ABAT: variants seen among roughly 807,000 people sequenced by gnomAD.
ABAT encodes 4-aminobutyrate aminotransferase.
In ABAT, 45 loss-of-function variants were observed where a neutral mutation model predicts 64.6. That is an observed-to-expected ratio of 0.70 (90% confidence interval 0.55 to 0.89). The LOEUF (loss-of-function observed/expected upper bound fraction) is 0.89. ABAT is among the 40% of genes least tolerant of loss of function. The pLI is 0.00. For synonymous variants in ABAT, 297 were observed against 250.5 expected, an observed-to-expected ratio of 1.19 and a Z score of -1.75; for missense variants, 633 against 658.4, an observed-to-expected ratio of 0.96 and a Z score of 0.42.
intron 8 of ABAT, 174 bp from the exon 9 acceptor site, chr16:8,766,034 G>A (rs937541713): frequency 1.7e-4 from 107 of 638,948 alleles, no homozygotes; most frequent in South Asian, 7.1e-4. Context: ...CTTTTGTTGC[G>A]AGCACAGTTG....
At chr16:8,744,858 A>G (rs2059285091) in intron 2 of ABAT, among the ~76,000 whole-genome samples, 1 of 152,074 alleles carries the variant, frequency 6.6e-6, no homozygotes, top group African/African-American at 2.4e-5. Context: ...GCATCTTTCC[A>G]TATCCACAAA....
chr16:8,698,810 G>T (rs1210780471), intron 1 of ABAT, among the ~76,000 whole-genome samples: 1 of 152,108 alleles, frequency 6.6e-6, no homozygotes, highest in Non-Finnish European at 1.5e-5. Context: ...ACCAGGCTTG[G>T]TGGCACACAC....
chr16:8,710,286 G>T (rs1019868088), intron 1 of ABAT, among the ~76,000 whole-genome samples: 8 of 152,148 alleles, frequency 5.3e-5, no homozygotes, highest in Non-Finnish European at 8.8e-5. Context: ...CATGTATTAG[G>T]GATGTTTAGT....
chr16:8,703,967 C>T (rs970928729), intron 1 of ABAT, among the ~76,000 whole-genome samples: 9 of 152,248 alleles, frequency 5.9e-5, no homozygotes, highest in African/African-American at 2.2e-4. Flanking sequence ...CCTTAGCCTA[C>T]AGTCTGCATC....
rs140349400 is a variant in ABAT, at chr16:8,693,137, G to A, written c.-42+18426G>A. The stretch of plus-strand genomic sequence containing the variant: ...CCCAAAGTGTTGGGATTACAGGCTT[G>A]AGCCACAATGCCCAGCCTCCATGTG... On this transcript the variant is annotated intron_variant, in intron 1 of 15. Transcript: ENST00000268251. 2.4e-3 allele frequency among the ~76,000 whole-genome samples: 363 copies of A among 152,278 alleles called. 2 individuals carry two copies. Among genetic ancestry groups the A allele is most frequent in the African/African-American group, 8.4e-3 (350 of 41,558 alleles).
intron 5 of ABAT, among the ~76,000 whole-genome samples, chr16:8,752,548 C>T (rs955683098): frequency 6.6e-6 from 1 of 152,156 alleles, no homozygotes; most frequent in Non-Finnish European, 1.5e-5. Flanking sequence ...TGTTTGAGGC[C>T]AGGAGTTTAA....
At chr16:8,711,466 C>T (rs2058067838) in intron 1 of ABAT, among the ~76,000 whole-genome samples, 1 of 152,152 alleles carries the variant, frequency 6.6e-6, no homozygotes, top group Non-Finnish European at 1.5e-5. Context: ...TCTTGAGTTT[C>T]TGGCTTGAAC....
At position 8,699,752 on chromosome 16, in the gene ABAT, G is replaced by A. The variant is rs747921505; in HGVS notation, c.-42+25041G>A. Among the ~76,000 whole-genome samples, 49 of 152,028 alleles carry A rather than the reference G, an allele frequency of 3.2e-4. 1 individual carries two copies. Among genetic ancestry groups the A allele is most frequent in the Middle Eastern group, 3.4e-3 (1 of 292 alleles). On this transcript the variant is annotated intron_variant, in intron 1 of 15. Coordinates refer to ENST00000268251, the MANE Select transcript of ABAT (RefSeq NM_020686.6). The stretch of plus-strand genomic sequence containing the variant: ...GATATTTTTTGGTAATTTTTGTAGA[G>A]GCAGGGTTTTGCCATGTTGCCCAGG...
At chr16:8,714,329 C>G (rs1384575300) in intron 1 of ABAT, among the ~76,000 whole-genome samples, 2 of 152,214 alleles carry the variant, frequency 1.3e-5, no homozygotes, top group Non-Finnish European at 2.9e-5. Context: ...CACACACACC[C>G]CTTTCTCTTT....
intron 2 of ABAT, chr16:8,738,565 A>G (rs1033387002): frequency 5.0e-6 from 2 of 400,276 alleles, no homozygotes; most frequent in African/African-American, 4.3e-5. Context: ...AGAAGTTATC[A>G]ATGGCTTTTG....
chr16:8,774,391 A>G (rs2060206681), intron 12 of ABAT, among the ~76,000 whole-genome samples: 1 of 152,040 alleles, frequency 6.6e-6, no homozygotes. Flanking sequence ...GTTTGTTTTA[A>G]TGTCTTGTGC....
rs908231030 is a variant in ABAT, at chr16:8,674,643, T to A, written c.-110T>A. 6.6e-6 allele frequency: 1 copy of A among 152,202 alleles called. No individual in the cohort carries two copies. The highest frequency in any genetic ancestry group is 6.5e-5 in the Admixed American group (1 of 15,288). The allele number at this position is 152,202 out of a possible 1,614,324, so 9.4% of individuals were successfully genotyped here. Reference sequence around the variant, plus strand: ...AGCAGACACCCAGCGCTGCCGGAACTCGGGGCGCGCATCCCGCAAGTCGGA... The same window carrying A: ...AGCAGACACCCAGCGCTGCCGGAACACGGGGCGCGCATCCCGCAAGTCGGA... On this transcript the variant is annotated 5_prime_UTR_variant, in exon 1 of 16. Transcript: ENST00000268251.
At position 8,743,441 on chromosome 16, in the gene ABAT, A is replaced by ATATATATATATATG. The variant is rs1158084095; in HGVS notation, c.71-2556_71-2555insTATATATATGTATA. Among the ~76,000 whole-genome samples the ATATATATATATATG allele has an allele frequency of 4.5e-4, 40 of 89,008 alleles. 2 individuals are homozygous for ATATATATATATATG. The highest frequency in any genetic ancestry group is 1.5e-3 in the African/African-American group (39 of 26,532). The allele number at this position is 89,008 out of a possible 152,430, so 58.4% of individuals were successfully genotyped here. A position where few individuals can be genotyped will look rare whatever the true frequency, so the allele number is the denominator to read the frequency against. On this transcript the variant is annotated intron_variant, in intron 2 of 15. Coordinates refer to ENST00000268251, the MANE Select transcript of ABAT (RefSeq NM_020686.6). ...GAAACAGTTATATATATATATATAT[A>ATATATATATATATG]TATACACACATTTTATAATATATTA...
intron 13 of ABAT, among the ~76,000 whole-genome samples, chr16:8,775,282 C>CTT (rs199963250): frequency 0.033 from 3,457 of 104,660 alleles, 72 homozygotes; most frequent in East Asian, 0.11. Context: ...CCTGTTTTCT[C>CTT]TCTGTGTGCA....
intron 1 of ABAT, chr16:8,722,831 T>C (rs1170721153): frequency 7.8e-7 from 1 of 1,289,144 alleles, no homozygotes; most frequent in Non-Finnish European, 1.0e-6. Flanking sequence ...GATATACTAA[T>C]GCAACTTCGA....
At chr16:8,779,450 G>A (rs1338493465) in intron 14 of ABAT, 29 bp from the exon 15 acceptor site, 14 of 1,594,328 alleles carry the variant, frequency 8.8e-6, no homozygotes, top group Non-Finnish European at 1.2e-5. Context: ...GATGGGCTTT[G>A]ACGCCAGCCT....
intron 1 of ABAT, among the ~76,000 whole-genome samples, chr16:8,689,655 A>G (rs978105789): frequency 1.3e-5 from 2 of 152,248 alleles, no homozygotes; most frequent in Admixed American, 6.5e-5. Context: ...CTGTGCTAAA[A>G]GGAAGATTTG....
chr16:8,732,246 T>C (rs1360158845), intron 1 of ABAT, among the ~76,000 whole-genome samples: 3 of 145,618 alleles, frequency 2.1e-5, no homozygotes, highest in Non-Finnish European at 4.4e-5. Flanking sequence ...TTTTTATTGA[T>C]AATTCTTGGG....
intron 9 of ABAT, 77 bp downstream of exon 9, chr16:8,766,347 G>C: frequency 6.9e-7 from 1 of 1,448,346 alleles, no homozygotes; most frequent in Non-Finnish European, 9.6e-7. Flanking sequence ...TGGCTGGCTG[G>C]CACTGTCCTC....
Sources: allele counts gnomAD v4.1 joint callset (sites outside exome capture counted in the v4.1 genomes callset), GRCh38; gene constraint gnomAD v4.1.1; transcripts MANE v1.5; gene names NCBI Gene and HGNC (gene_info 2026-07-23, HGNC 2026-07-21).